The following SLC6A12 variants were observed in gnomAD, a reference collection of about 807,000 sequenced individuals.
SLC6A12 encodes sodium- and chloride-dependent betaine transporter.
SLC6A12 carries 50 observed loss-of-function variants against 73.3 expected under a neutral mutation model. The ratio of observed to expected loss-of-function variants is 0.68; its 90% confidence interval spans 0.54 to 0.86. The LOEUF is 0.86. Among genes scored for constraint, SLC6A12 ranks in the 40% least tolerant of loss-of-function variants. The pLI is 0.00. For missense variants in SLC6A12, 648 were observed against 772.8 expected (o/e 0.84, Z 1.92); for synonymous variants, 304 against 309.2 (o/e 0.98, Z 0.18).
At chr12:199,128 A>C in intron 7 of SLC6A12, 197 bp from the exon 8 acceptor site, 1 of 419,236 alleles carries the variant, frequency 2.4e-6, no homozygotes, top group Non-Finnish European at 4.4e-6. Flanking sequence ...GGTGTGAGAT[A>C]CACATCAGCA....
intron 3 of SLC6A12, 84 bp from the exon 4 acceptor site, chr12:204,782 A>G: frequency 2.7e-6 from 4 of 1,470,048 alleles, no homozygotes; most frequent in Non-Finnish European, 1.9e-6. Context: ...CCCCCAACAA[A>G]CCCGCCCTCC....
At chr12:211,591 G>A (rs1393218064) in intron 2 of SLC6A12, among the ~76,000 whole-genome samples, 3 of 152,160 alleles carry the variant, frequency 2.0e-5, no homozygotes, top group Non-Finnish European at 4.4e-5. Context: ...ACTGGAGCCT[G>A]GGGATGAAAA....
At chr12:188,437 G>A (rs1472261061), downstream of SLC6A12, among the ~76,000 whole-genome samples, 2 of 152,020 alleles carry the variant, frequency 1.3e-5, no homozygotes, top group African/African-American at 4.8e-5. Flanking sequence ...GCGCAGCCCC[G>A]CTTCCCGCCA....
In SLC6A12 at chr12:213,256, C is replaced by G. The variant is rs1054326358; in HGVS notation, c.-143+666G>C. 2 of 152,648 alleles carry G rather than the reference C, an allele frequency of 1.3e-5. No individual in the cohort carries two copies. The highest frequency in any genetic ancestry group is 1.3e-4 in the Admixed American group (2 of 15,294). 9.5% of individuals were successfully genotyped at this position (152,648 alleles called of 1,614,324 possible). On this transcript the variant is annotated intron_variant, in intron 1 of 15. Transcript: ENST00000684302. The surrounding 1 kb of genome is among the most constrained non-coding windows in gnomAD (Gnocchi z 5.3). ...ACCCATTCCCATACACACACTGGTGCCATTTCCCGTCACGTCCCTTCGCAC... is the reference window on the plus strand; with the variant it reads ...ACCCATTCCCATACACACACTGGTGGCATTTCCCGTCACGTCCCTTCGCAC...
chr12:200,640 G>A lies in SLC6A12; in HGVS notation c.711+11C>T. ...GCCAAAGGGAGCTTCCCAGGAGGCA[G>A]GACATCTCACCTTGCCTGTGGACTT... On this transcript the variant is annotated intron_variant, in intron 7 of 15. Transcript: ENST00000684302. The A allele has an allele frequency of 3.7e-6, 6 of 1,613,486 alleles. No individual in the cohort carries two copies. The highest frequency in any genetic ancestry group is 5.1e-6 in the Non-Finnish European group (6 of 1,179,630).
chr12:200,810 G>A, intron 6 of SLC6A12, 27 bp from the exon 7 acceptor site: 1 of 1,609,540 alleles, frequency 6.2e-7, no homozygotes. Flanking sequence ...AATAAGTAAT[G>A]AGGGGAAAGG....
intron 15 of SLC6A12, among the ~76,000 whole-genome samples, chr12:192,165 G>A (rs1420913354): frequency 1.3e-5 from 2 of 152,132 alleles, no homozygotes; most frequent in African/African-American, 2.4e-5. Flanking sequence ...TCTGTGTCTG[G>A]GCACCTTCCT....
In SLC6A12 at chr12:210,048, T is replaced by C. The variant is rs1455560007; in HGVS notation, c.-57-5A>G. The C allele has an allele frequency of 1.5e-5, 24 of 1,589,404 alleles. No homozygotes were observed. Among genetic ancestry groups the C allele is most frequent in the Non-Finnish European group, 2.0e-5 (23 of 1,165,380 alleles). ...CAGGATGACGAGGGCCAAAGCCTGG[T>C]GGGAAGAGAAGAAATTAGCTGTAAA... On this transcript the variant is annotated splice_polypyrimidine_tract_variant and splice_region_variant and intron_variant, in intron 2 of 15. Coordinates refer to ENST00000684302, the MANE Select transcript of SLC6A12 (RefSeq NM_001122848.3).
chr12:196,360 A>T, intron 11 of SLC6A12, 99 bp from the exon 12 acceptor site: 1 of 1,409,844 alleles, frequency 7.1e-7, no homozygotes, highest in South Asian at 1.4e-5. Flanking sequence ...ACTGATGCAC[A>T]GGGGTGCAGG....
At chr12:204,196 C>T (rs758229996) in intron 4 of SLC6A12, 18 of 248,938 alleles carry the variant, frequency 7.2e-5, no homozygotes, top group African/African-American at 2.4e-4. Flanking sequence ...TGTGTTCTGG[C>T]GGAGGCACAG....
intron 14 of SLC6A12, chr12:193,044 T>G: frequency 1.9e-6 from 1 of 523,718 alleles, no homozygotes; most frequent in Non-Finnish European, 3.4e-6. Flanking sequence ...CAGGAGGCAC[T>G]GTGAGGAAGG....
chr12:204,215 G>A (rs571549178), intron 4 of SLC6A12: 134 of 267,572 alleles, frequency 5.0e-4, no homozygotes, highest in African/African-American at 2.6e-3. Context: ...AGCACCCCGG[G>A]AGCACCCAGA....
rs768581304 is a variant in SLC6A12 at position 209,962 on chromosome 12, C to A, written c.25G>T (p.Glu9Ter). 9.3e-6 allele frequency: 15 copies of A among 1,614,064 alleles called. No homozygotes were observed. In the Admixed American group the frequency reaches 2.5e-4, roughly 27 times the overall value. The stretch of plus-strand genomic sequence containing the variant: ...CAGGAGACTGCAGGAGGCCCACACT[C>A]TTGCACTGCCACCTTCCCGTCCATG... Reference protein sequence around the residue: MDGKVAVQECGPPAVSWVP... With the variant: MDGKVAVQ The change falls in exon 3 of 16, where the codon GAG (glutamate) becomes TAG (stop). Residue 9 changes from glutamate (E) to a stop codon, truncating the protein, a stop_gained. Coordinates refer to ENST00000684302, the MANE Select transcript of SLC6A12 (RefSeq NM_001122848.3). LOFTEE classifies it high-confidence loss of function.
intron 4 of SLC6A12, among the ~76,000 whole-genome samples, 179 bp from the exon 5 acceptor site, chr12:203,059 C>CTTTTT (rs10582500): frequency 0.013 from 906 of 68,160 alleles, no homozygotes; most frequent in Non-Finnish European, 0.017. Flanking sequence ...TTTTTCTTTT[C>CTTTTT]TTTTTTTTTT....
Position 209,978 on chromosome 12 carries a change from C to A in SLC6A12, c.9G>T (p.Gly3=), listed in dbSNP as rs1428769992. ...GCCCACACTCTTGCACTGCCACCTT[C>A]CCGTCCATGGCTGTGTGGTGGGTTG... MD[G]KVAVQECGPP... The change falls in exon 3 of 16, where the codon GGG becomes GGT. Residue 3 remains glycine, a synonymous_variant. Transcript: ENST00000684302. 3 of 1,614,042 alleles carry A rather than the reference C, an allele frequency of 1.9e-6. No individual in the cohort carries two copies. In the African/African-American group the frequency reaches 4.0e-5, roughly 22 times the overall value.
rs2137106029 is a variant in SLC6A12, at chr12:192,530, A to G, written c.1649T>C (p.Val550Ala). The stretch of plus-strand genomic sequence containing the variant: ...GAGGGTGATGACGACGAAGAGTGGG[A>G]CACAGACCATGGAGGACAGAGCCAG... ...WFLALSSMVC[V>A]PLFVVITLLK... The change falls in exon 15 of 16, where the codon GTC becomes GCC. Residue 550 changes from valine to alanine, a missense_variant. Transcript: ENST00000684302. 1.2e-6 allele frequency: 2 copies of G among 1,614,092 alleles called. No individual in the cohort carries two copies. The highest frequency in any genetic ancestry group is 2.2e-5 in the East Asian group (1 of 44,878).
chr12:200,381 T>C (rs944574429), intron 7 of SLC6A12, among the ~76,000 whole-genome samples: 2 of 152,210 alleles, frequency 1.3e-5, no homozygotes, highest in African/African-American at 4.8e-5. Context: ...GTGCTGGGAT[T>C]ACAGGCGTGA....
downstream of SLC6A12, among the ~76,000 whole-genome samples, chr12:188,458 C>T (rs1355924476): frequency 1.3e-5 from 2 of 150,962 alleles, no homozygotes; most frequent in South Asian, 4.2e-4. Flanking sequence ...GCGCCTCTCC[C>T]TCCACACCTC....
chr12:205,536 G>A (rs757789311), intron 3 of SLC6A12, among the ~76,000 whole-genome samples: 6 of 152,148 alleles, frequency 3.9e-5, no homozygotes, highest in African/African-American at 1.4e-4. Flanking sequence ...CTTTAAAGAC[G>A]GAAAAACCGA....
Sources: allele counts gnomAD v4.1 joint callset (sites outside exome capture counted in the v4.1 genomes callset), GRCh38; gene constraint gnomAD v4.1.1; non-coding constraint Gnocchi (gnomAD v3.1); transcripts MANE v1.5; gene names NCBI Gene and HGNC (gene_info 2026-07-23, HGNC 2026-07-21).